The following DNAJB6 variants were observed in gnomAD, a reference collection of about 807,000 sequenced individuals.
DNAJB6 encodes the protein DnaJ heat shock protein family (Hsp40) member B6.
A neutral mutation model predicts 42.7 loss-of-function variants in DNAJB6; 16 were observed. That is an observed-to-expected ratio of 0.37 (90% CI 0.25 to 0.57). The LOEUF is 0.57. Among genes scored for constraint, DNAJB6 ranks in the 20% least tolerant of loss-of-function variants. DNAJB6 has a pLI of 0.74. For missense variants in DNAJB6, 347 were observed against 416.8 expected (o/e 0.83, Z 1.46); for synonymous variants, 170 against 163.5 (o/e 1.04, Z -0.30).
At chr7:157,392,667 C>G (rs1801404515) in intron 8 of DNAJB6, among the ~76,000 whole-genome samples, 1 of 152,190 alleles carries the variant, frequency 6.6e-6, no homozygotes, top group Non-Finnish European at 1.5e-5. Context: ...CGTTTCTAGG[C>G]CAGTCTTCGT....
intron 5 of DNAJB6, among the ~76,000 whole-genome samples, chr7:157,375,641 A>T (rs929383627): frequency 6.6e-6 from 1 of 152,220 alleles, no homozygotes; most frequent in Non-Finnish European, 1.5e-5. Context: ...CGTGCACTTC[A>T]GGGCGGAGCT....
intron 1 of DNAJB6, among the ~76,000 whole-genome samples, chr7:157,349,933 G>A (rs1584883448): frequency 6.6e-6 from 1 of 152,098 alleles, no homozygotes; most frequent in Non-Finnish European, 1.5e-5. Flanking sequence ...ATGAGCCACC[G>A]CGCCTGGCCA....
At chr7:157,343,786 G>A (rs914923842) in intron 1 of DNAJB6, among the ~76,000 whole-genome samples, 13 of 152,140 alleles carry the variant, frequency 8.5e-5, no homozygotes, top group African/African-American at 2.9e-4. Context: ...CCTAAACTTA[G>A]AGGTCATTGA....
At chr7:157,345,211 C>T (rs886739721) in intron 1 of DNAJB6, among the ~76,000 whole-genome samples, 1 of 152,164 alleles carries the variant, frequency 6.6e-6, no homozygotes, top group Non-Finnish European at 1.5e-5. Flanking sequence ...CCAGACTGGT[C>T]TTGAATTCCT....
chr7:157,392,359 G>GTT (rs371536881), intron 8 of DNAJB6, among the ~76,000 whole-genome samples: 7 of 137,890 alleles, frequency 5.1e-5, no homozygotes, highest in Non-Finnish European at 9.6e-5. Flanking sequence ...TTGAAAGTGG[G>GTT]TTTTTTTTTT....
intron 8 of DNAJB6, among the ~76,000 whole-genome samples, chr7:157,389,528 A>C (rs1801237364): frequency 6.6e-6 from 1 of 152,228 alleles, no homozygotes; most frequent in South Asian, 2.1e-4. Context: ...TTTAAAAACG[A>C]AGGCATGAGA....
chr7:157,376,821 A>C (rs1410712826), intron 5 of DNAJB6, among the ~76,000 whole-genome samples: 1 of 152,222 alleles, frequency 6.6e-6, no homozygotes. Flanking sequence ...CAGAGGTTGC[A>C]GTGAGCCAAG....
chr7:157,366,642 G>C (rs1458991689), intron 4 of DNAJB6, 81 bp downstream of exon 4: 4 of 1,361,960 alleles, frequency 2.9e-6, no homozygotes, highest in Non-Finnish European at 4.2e-6. Flanking sequence ...CTCTTGGTCA[G>C]AGTCGATTTT....
chr7:157,398,674 G>T (rs1801712479), intron 8 of DNAJB6, among the ~76,000 whole-genome samples: 1 of 152,160 alleles, frequency 6.6e-6, no homozygotes, highest in Admixed American at 6.5e-5. Context: ...TTTAACTGTG[G>T]TTACAAAACA....
chr7:157,352,256 G>A (rs963104738), intron 1 of DNAJB6, among the ~76,000 whole-genome samples: 3 of 151,940 alleles, frequency 2.0e-5, no homozygotes, highest in Admixed American at 6.6e-5. Context: ...TTGAACCAGG[G>A]AGTTGGAGGT....
chr7:157,338,324 A>C (rs1462633486), intron 1 of DNAJB6, among the ~76,000 whole-genome samples: 1 of 147,458 alleles, frequency 6.8e-6, no homozygotes, highest in African/African-American at 2.5e-5. Flanking sequence ...CTCTGGGTTT[A>C]CTCCAGACTT....
intron 8 of DNAJB6, among the ~76,000 whole-genome samples, chr7:157,402,624 G>T (rs1320949735): frequency 6.6e-6 from 1 of 152,260 alleles, no homozygotes; most frequent in East Asian, 1.9e-4. Flanking sequence ...GGTCCCAGGG[G>T]AGGGCTGTGG....
At chr7:157,386,608 G>A (rs1161639772) in intron 8 of DNAJB6, among the ~76,000 whole-genome samples, 3 of 103,924 alleles carry the variant, frequency 2.9e-5, no homozygotes, top group Non-Finnish European at 6.7e-5. Flanking sequence ...GGATCCGGGC[G>A]CGGTAGCTCA....
intron 9 of DNAJB6, chr7:157,410,531 C>T (rs1795938872): frequency 5.8e-6 from 1 of 173,360 alleles, no homozygotes; most frequent in Non-Finnish European, 1.2e-5. Context: ...TGCCCTCCTC[C>T]CACCTGTTAG....
intron 1 of DNAJB6, among the ~76,000 whole-genome samples, chr7:157,351,013 C>G (rs867751658): frequency 6.6e-6 from 1 of 151,638 alleles, no homozygotes; most frequent in Non-Finnish European, 1.5e-5. Flanking sequence ...CGGCTCACTG[C>G]AGCCTCCGTC....
intron 1 of DNAJB6, among the ~76,000 whole-genome samples, chr7:157,352,517 T>C (rs889192885): frequency 5.9e-5 from 9 of 151,482 alleles, no homozygotes; most frequent in Non-Finnish European, 1.3e-4. Context: ...GATTTGGAGG[T>C]CCTTTGACTA....
rs73744695 is a variant in DNAJB6 at position 157,350,573 on chromosome 7, T to C, written c.-26-7974T>C. Among the ~76,000 whole-genome samples the C allele has an allele frequency of 5.9e-3, 904 of 152,308 alleles. 8 individuals are homozygous for C. The highest frequency in any genetic ancestry group is 0.021 in the African/African-American group (870 of 41,570). On this transcript the variant is annotated intron_variant, in intron 1 of 9. Coordinates refer to ENST00000262177, the MANE Select transcript of DNAJB6 (RefSeq NM_058246.4). ...TTGCACTAATTAGTGGTTATTGAAG[T>C]GTGGATGCCTTATGAGTCAGAGCTT...
intron 1 of DNAJB6, among the ~76,000 whole-genome samples, chr7:157,343,019 T>C (rs1798492725): frequency 6.6e-6 from 1 of 151,750 alleles, no homozygotes; most frequent in Admixed American, 6.6e-5. Flanking sequence ...TGAGACCAAG[T>C]CTCACTCTGT....
chr7:157,382,928 G>GTGT (rs1456253006), intron 6 of DNAJB6, among the ~76,000 whole-genome samples: 1 of 152,182 alleles, frequency 6.6e-6, no homozygotes, highest in East Asian at 1.9e-4. Flanking sequence ...ATATGCCTGT[G>GTGT]TGTTTAGCCT....
Sources: gnomAD v4.1 joint callset for allele counts (sites outside exome capture counted in the v4.1 genomes callset) on GRCh38, gnomAD v4.1.1 for gene constraint, MANE v1.5 for transcripts, NCBI Gene and HGNC (gene_info 2026-07-23, HGNC 2026-07-21) for gene names.